The following CYP27A1 variants were observed in gnomAD, a reference collection of about 807,000 sequenced individuals.
CYP27A1 encodes the protein sterol 26-hydroxylase, mitochondrial.
A neutral mutation model predicts 58.2 loss-of-function variants in CYP27A1; 46 were observed. That is an observed-to-expected ratio of 0.79 (90% CI 0.62 to 1.01). The LOEUF (loss-of-function observed/expected upper bound fraction) is 1.01. Ranked by LOEUF, CYP27A1 falls within the 50% of genes least tolerant of loss-of-function variation. The probability of loss-of-function intolerance (pLI) is 0.00; values close to 1 mark genes in which losing one functional copy is unlikely to be tolerated. For synonymous variants in CYP27A1, 274 were observed against 285.1 expected (o/e 0.96, Z 0.39); for missense variants, 704 against 687.0 (o/e 1.02, Z -0.28).
Position 218,815,226 on chromosome 2 carries a change from C to A in CYP27A1, c.*196C>A. On this transcript the variant is annotated 3_prime_UTR_variant, in exon 9 of 9. Transcript: ENST00000258415. ...GAGCAACTCCCTCTCAGCTAAAAGGCCACCCCTTTATCGCATTGCTGTCCT... is the reference window on the plus strand; with the variant it reads ...GAGCAACTCCCTCTCAGCTAAAAGGACACCCCTTTATCGCATTGCTGTCCT... The A allele has an allele frequency of 1.6e-6, 1 of 623,214 alleles. No homozygotes were observed. The highest frequency in any genetic ancestry group is 2.8e-6 in the Non-Finnish European group (1 of 351,670). 38.6% of individuals were successfully genotyped at this position (623,214 alleles called of 1,614,324 possible). A position where few individuals can be genotyped will look rare whatever the true frequency, so the allele number is the denominator to read the frequency against.
chr2:218,813,051 G>A lies in CYP27A1; in HGVS notation c.972G>A (p.Glu324=), dbSNP rs1341913523. ...CCAGTGGACAGCTCAGTCCTCGGGA[G>A]GCCATGGGCAGCCTGCCTGAGCTGC... ...LLASGQLSPR[E]AMGSLPELLM... The change falls in exon 5 of 9, where the codon GAG becomes GAA. Residue 324 remains glutamate (E), a synonymous_variant. Transcript: ENST00000258415. 8 of 1,613,906 alleles carry A rather than the reference G, an allele frequency of 5.0e-6. No individual in the cohort carries two copies. In the African/African-American group the frequency reaches 6.7e-5, roughly 13 times the overall value.
chr2:218,804,342 C>G (rs1251845749), intron 1 of CYP27A1, among the ~76,000 whole-genome samples: 1 of 152,200 alleles, frequency 6.6e-6, no homozygotes, highest in Non-Finnish European at 1.5e-5. Flanking sequence ...TGTCAAAAAT[C>G]AGTTGACTGT....
chr2:218,810,062 T>C (rs1220278550), intron 2 of CYP27A1, among the ~76,000 whole-genome samples: 1 of 152,132 alleles, frequency 6.6e-6, no homozygotes, highest in African/African-American at 2.4e-5. Context: ...GCGGATCACT[T>C]GAGTTCAGGG....
chr2:218,794,248 T>A (rs1327373646), intron 1 of CYP27A1, among the ~76,000 whole-genome samples: 4 of 152,136 alleles, frequency 2.6e-5, no homozygotes, highest in Non-Finnish European at 5.9e-5. Flanking sequence ...CATTCCCCAC[T>A]CTAAAGAAGT....
chr2:218,803,857 C>T (rs547645405), intron 1 of CYP27A1, among the ~76,000 whole-genome samples: 7 of 150,668 alleles, frequency 4.6e-5, no homozygotes, highest in Non-Finnish European at 3.0e-5. Context: ...CTCAGCCTCC[C>T]GAGTAGCTGG....
intron 1 of CYP27A1, among the ~76,000 whole-genome samples, chr2:218,803,984 C>G (rs866153748): frequency 6.6e-6 from 1 of 151,758 alleles, no homozygotes; most frequent in Non-Finnish European, 1.5e-5. Flanking sequence ...CTGCCCACCT[C>G]GGCCTCCCAA....
intron 1 of CYP27A1, among the ~76,000 whole-genome samples, chr2:218,800,084 G>A (rs533380512): frequency 2.0e-5 from 3 of 152,116 alleles, no homozygotes; most frequent in Admixed American, 1.3e-4. Flanking sequence ...CTGCTAGACC[G>A]CAGCCAAGGG....
At chr2:218,813,887 T>C in intron 5 of CYP27A1, 134 bp from the exon 6 acceptor site, 1 of 940,084 alleles carries the variant, frequency 1.1e-6, no homozygotes, top group Non-Finnish European at 1.7e-6. Context: ...GCCATGAACC[T>C]GCATGTTTTT....
chr2:218,799,049 C>T (rs555126696), intron 1 of CYP27A1, among the ~76,000 whole-genome samples: 1 of 152,184 alleles, frequency 6.6e-6, no homozygotes, highest in Non-Finnish European at 1.5e-5. Flanking sequence ...AGGCCACCTT[C>T]AGATTCAAGA....
At chr2:218,788,683 G>A (rs548440305) in intron 1 of CYP27A1, among the ~76,000 whole-genome samples, 4 of 152,308 alleles carry the variant, frequency 2.6e-5, no homozygotes, top group East Asian at 1.9e-4. Context: ...GTGACTCTCC[G>A]TTAGGTTAAT....
At chr2:218,794,783 G>A (rs576299036) in intron 1 of CYP27A1, among the ~76,000 whole-genome samples, 100 of 152,238 alleles carry the variant, frequency 6.6e-4, no homozygotes, top group Middle Eastern at 3.4e-3. Context: ...GAAAAAAGAA[G>A]GCTCCTTTTC....
intron 1 of CYP27A1, among the ~76,000 whole-genome samples, chr2:218,791,222 G>A (rs907762975): frequency 3.3e-5 from 5 of 152,166 alleles, no homozygotes; most frequent in Non-Finnish European, 7.3e-5. Flanking sequence ...GAAGAGTTAA[G>A]ACCTCCTGGC....
Position 218,812,934 on chromosome 2 carries a change from G to T in CYP27A1, c.855G>T (p.Leu285=), listed in dbSNP as rs1349205417. The T allele has an allele frequency of 1.2e-6, 2 of 1,614,126 alleles. No individual in the cohort carries two copies. The highest frequency in any genetic ancestry group is 1.7e-6 in the Non-Finnish European group (2 of 1,180,050). The stretch of plus-strand genomic sequence containing the variant: ...CTGTTGCTTTCACAGGGAAGAAGCT[G>T]ATTGATGAGAAGCTCGAAGATATGG... ...WNAIFSFGKK[L]IDEKLEDMEA... The change falls in exon 5 of 9, where the codon CTG becomes CTT. Residue 285 remains leucine (L), a synonymous_variant. Transcript: ENST00000258415.
At chr2:218,791,294 G>A (rs1943490425) in intron 1 of CYP27A1, among the ~76,000 whole-genome samples, 1 of 152,218 alleles carries the variant, frequency 6.6e-6, no homozygotes, top group Admixed American at 6.5e-5. Context: ...GTTTCTGACA[G>A]ACTATGAGGC....
Position 218,815,148 on chromosome 2 carries a change from G to T in CYP27A1, c.*118G>T. 7.8e-7 allele frequency: 1 copy of T among 1,283,472 alleles called. No individual in the cohort carries two copies. Among genetic ancestry groups the T allele is most frequent in the Non-Finnish European group, 1.1e-6 (1 of 901,566 alleles). 79.5% of individuals were successfully genotyped at this position (1,283,472 alleles called of 1,614,324 possible). On this transcript the variant is annotated 3_prime_UTR_variant, in exon 9 of 9. Coordinates refer to ENST00000258415, the MANE Select transcript of CYP27A1 (RefSeq NM_000784.4). ...AGAAGGAGGCCGCCAGACTCGAGAG[G>T]TGGGAGGAACTCCTTGCACACACCC...
At chr2:218,809,434 A>G (rs1943685297) in intron 1 of CYP27A1, 143 bp from the exon 2 acceptor site, 2 of 707,552 alleles carry the variant, frequency 2.8e-6, no homozygotes, top group Non-Finnish European at 4.6e-6. Context: ...TACATCATAC[A>G]CAATGCCCTT....
intron 1 of CYP27A1, among the ~76,000 whole-genome samples, chr2:218,793,075 ATTTG>A (rs1301088198): frequency 1.3e-5 from 2 of 152,142 alleles, no homozygotes; most frequent in African/African-American, 2.4e-5. Context: ...GATTCTTTTT[ATTTG>A]TTTGTTTGTT....
At chr2:218,794,766 G>A (rs1440819103) in intron 1 of CYP27A1, among the ~76,000 whole-genome samples, 1 of 152,044 alleles carries the variant, frequency 6.6e-6, no homozygotes, top group Admixed American at 6.6e-5. Flanking sequence ...GACAGAGGAG[G>A]AGAAAAGAAA....
chr2:218,812,207 T>A lies in CYP27A1; in HGVS notation c.447-15T>A. 1 of 1,611,066 alleles carries A rather than the reference T, an allele frequency of 6.2e-7. No homozygotes were observed. The highest frequency in any genetic ancestry group is 8.5e-7 in the Non-Finnish European group (1 of 1,177,490). The stretch of plus-strand genomic sequence containing the variant: ...TAGAGGCTTATCTTTGTGCTGTTCC[T>A]CTGCGTCCCTGCAGGGAAGGACACC... On this transcript the variant is annotated splice_polypyrimidine_tract_variant and intron_variant, in intron 2 of 8. Coordinates refer to ENST00000258415, the MANE Select transcript of CYP27A1 (RefSeq NM_000784.4).
Sources: gnomAD v4.1 joint callset for allele counts (sites outside exome capture counted in the v4.1 genomes callset) on GRCh38, gnomAD v4.1.1 for gene constraint, MANE v1.5 for transcripts, NCBI Gene and HGNC (gene_info 2026-07-23, HGNC 2026-07-21) for gene names.